NKAIN2: variants seen among roughly 807,000 people sequenced by gnomAD.
NKAIN2 encodes sodium/potassium transporting ATPase interacting 2.
Under a neutral mutation model 32.6 loss-of-function variants are expected in NKAIN2, and 14 were observed. The ratio of observed to expected loss-of-function variants is 0.43; its 90% CI spans 0.28 to 0.67. The LOEUF is 0.67. Among genes scored for constraint, NKAIN2 ranks in the 30% least tolerant of loss-of-function variants. The probability of loss-of-function intolerance (pLI) is 0.17; values close to 1 mark genes in which losing one functional copy is unlikely to be tolerated. For missense variants in NKAIN2, 198 were observed against 258.3 expected (o/e 0.77, Z 1.60); for synonymous variants, 80 against 87.2 (o/e 0.92, Z 0.46).
At chr6:124,490,985 A>G (rs975642529) in intron 3 of NKAIN2, among the ~76,000 whole-genome samples, 2 of 151,966 alleles carry the variant, frequency 1.3e-5, no homozygotes, top group Non-Finnish European at 2.9e-5. Context: ...TGTTGTTTTC[A>G]TTAGACACAT....
At chr6:123,954,886 CTT>C (rs922865805) in intron 1 of NKAIN2, among the ~76,000 whole-genome samples, 2 of 151,992 alleles carry the variant, frequency 1.3e-5, no homozygotes, top group Admixed American at 1.3e-4. Context: ...TGTGTTAAGA[CTT>C]TTCCAGTGAA....
chr6:124,028,755 ACAAG>A (rs1781242748), intron 1 of NKAIN2, among the ~76,000 whole-genome samples: 1 of 147,754 alleles, frequency 6.8e-6, no homozygotes, highest in African/African-American at 2.5e-5. Flanking sequence ...GTGTATATAT[ACAAG>A]TATATAAGTG....
At chr6:124,046,676 C>T (rs763111264) in intron 1 of NKAIN2, among the ~76,000 whole-genome samples, 8 of 151,900 alleles carry the variant, frequency 5.3e-5, no homozygotes, top group Non-Finnish European at 1.0e-4. Context: ...AGAGAAGATT[C>T]TGCTACCTGA....
chr6:123,974,754 T>C (rs1778481128), intron 1 of NKAIN2, among the ~76,000 whole-genome samples: 1 of 152,212 alleles, frequency 6.6e-6, no homozygotes, highest in South Asian at 2.1e-4. Context: ...CAAAAGGGAA[T>C]TGATATTATG....
At chr6:124,233,339 T>G (rs1216763721) in intron 1 of NKAIN2, among the ~76,000 whole-genome samples, 1 of 152,236 alleles carries the variant, frequency 6.6e-6, no homozygotes, top group Non-Finnish European at 1.5e-5. Flanking sequence ...GAAATGCAAT[T>G]GGCTGTCGCC....
intron 1 of NKAIN2, among the ~76,000 whole-genome samples, chr6:124,154,538 C>T (rs534166649): frequency 6.6e-5 from 10 of 152,014 alleles, no homozygotes; most frequent in Admixed American, 2.0e-4. Context: ...AATTATACTG[C>T]CACTTTGTGA....
intron 5 of NKAIN2, among the ~76,000 whole-genome samples, chr6:124,815,292 G>A (rs1253604289): frequency 7.1e-6 from 1 of 140,146 alleles, no homozygotes; most frequent in East Asian, 2.0e-4. Flanking sequence ...GTATATATTT[G>A]AGACGGAGTT....
intron 1 of NKAIN2, among the ~76,000 whole-genome samples, chr6:123,910,801 G>A (rs1265527227): frequency 4.6e-5 from 7 of 151,878 alleles, no homozygotes; most frequent in Non-Finnish European, 8.8e-5. Context: ...ACCACACCCG[G>A]CCAATGCATG....
chr6:123,926,370 G>A (rs762434887), intron 1 of NKAIN2, among the ~76,000 whole-genome samples: 4 of 152,084 alleles, frequency 2.6e-5, no homozygotes, highest in Non-Finnish European at 4.4e-5. Flanking sequence ...TAAGTACCCT[G>A]TCTTAAACCT....
At chr6:124,135,260 A>G (rs1483081067) in intron 1 of NKAIN2, among the ~76,000 whole-genome samples, 1 of 152,060 alleles carries the variant, frequency 6.6e-6, no homozygotes, top group Non-Finnish European at 1.5e-5. Flanking sequence ...GATGAATAGA[A>G]CAGTACCTCA....
intron 1 of NKAIN2, among the ~76,000 whole-genome samples, chr6:123,921,566 G>C (rs542770949): frequency 2.6e-5 from 4 of 152,090 alleles, no homozygotes; most frequent in African/African-American, 9.7e-5. Context: ...TTGTTTTAGC[G>C]TTCATTACTC....
intron 3 of NKAIN2, among the ~76,000 whole-genome samples, chr6:124,648,401 T>C (rs1784252649): frequency 6.6e-6 from 1 of 152,064 alleles, no homozygotes; most frequent in Admixed American, 6.6e-5. Context: ...GGAGAAAAAA[T>C]TGATAATTGC....
intron 1 of NKAIN2, among the ~76,000 whole-genome samples, chr6:124,232,740 A>T (rs1360352085): frequency 8.9e-6 from 1 of 112,708 alleles, no homozygotes. Context: ...GCAAAATGGC[A>T]TTATTTTTGA....
At chr6:124,698,935 T>C (rs1206661746) in intron 4 of NKAIN2, among the ~76,000 whole-genome samples, 1 of 152,196 alleles carries the variant, frequency 6.6e-6, no homozygotes, top group Non-Finnish European at 1.5e-5. Context: ...GGGTAAAGGT[T>C]GAGAGTTAAA....
intron 5 of NKAIN2, chr6:124,804,507 G>C (rs1780426761): frequency 1.1e-6 from 1 of 881,846 alleles, no homozygotes; most frequent in African/African-American, 1.8e-5. Context: ...AGATCTGGGG[G>C]AGGAGCCAAG....
Position 124,577,338 on chromosome 6 carries a change from C to T in NKAIN2, c.274-80848C>T, listed in dbSNP as rs528091955. On this transcript the variant is annotated intron_variant, in intron 3 of 6. Coordinates refer to ENST00000368417, the MANE Select transcript of NKAIN2 (RefSeq NM_001040214.3). The stretch of plus-strand genomic sequence containing the variant: ...AGACAGTCTTGAATTGCTGTCACCA[C>T]CCCTCCTGCACCCCCCAGCAGCAGC... Among the ~76,000 whole-genome samples, 138 of 152,218 alleles carry T rather than the reference C, an allele frequency of 9.1e-4. 1 individual carries two copies. The highest frequency in any genetic ancestry group is 1.5e-3 in the Non-Finnish European group (100 of 68,008).
intron 1 of NKAIN2, among the ~76,000 whole-genome samples, chr6:123,883,337 G>C (rs1035826360): frequency 6.6e-6 from 1 of 151,986 alleles, no homozygotes; most frequent in Non-Finnish European, 1.5e-5. Context: ...AGTAGAGACA[G>C]GGTTTCACCG....
intron 1 of NKAIN2, 118 bp downstream of exon 1, chr6:123,804,372 C>T: frequency 1.1e-6 from 1 of 883,008 alleles, no homozygotes. Context: ...GAGAAGGTGA[C>T]AGATATATTG....
intron 1 of NKAIN2, among the ~76,000 whole-genome samples, chr6:124,031,350 A>C (rs1033916264): frequency 6.6e-6 from 1 of 151,940 alleles, no homozygotes; most frequent in Non-Finnish European, 1.5e-5. Context: ...TGATCTTTTC[A>C]AAAAACCAGC....
Sources: allele counts gnomAD v4.1 joint callset (sites outside exome capture counted in the v4.1 genomes callset), GRCh38; gene constraint gnomAD v4.1.1; transcripts MANE v1.5; gene names NCBI Gene and HGNC (gene_info 2026-07-23, HGNC 2026-07-21).